RRM2: variants seen among roughly 807,000 people sequenced by gnomAD.
The protein encoded by RRM2 is ribonucleotide reductase regulatory subunit M2, also known as ribonucleoside-diphosphate reductase subunit M2.
RRM2 carries 6 observed loss-of-function variants against 45.9 expected under a neutral mutation model. The observed-to-expected ratio is 0.13, with a 90% CI of 0.07 to 0.26. RRM2 has a LOEUF of 0.26. RRM2 is among the 10% of genes least tolerant of loss of function. RRM2 has a pLI of 1.00. For synonymous variants in RRM2, 177 were observed against 173.0 expected (o/e 1.02, Z -0.18); for missense variants, 343 against 489.5 (o/e 0.70, Z 2.82).
At chr2:10,165,964 G>A (rs1663670097) in intron 3 of RRM2, among the ~76,000 whole-genome samples, 1 of 152,202 alleles carries the variant, frequency 6.6e-6, no homozygotes, top group East Asian at 1.9e-4. Flanking sequence ...GCTCTGGGCA[G>A]CAGCCGCATC....
chr2:10,132,457 G>A (rs1047277081), downstream of RRM2, among the ~76,000 whole-genome samples: 5 of 152,110 alleles, frequency 3.3e-5, no homozygotes, highest in Non-Finnish European at 7.4e-5. Flanking sequence ...TAGTGTCTGA[G>A]GTTGTGCTGC....
At chr2:10,123,228 GT>G in intron 2 of RRM2, 158 bp from the exon 3 acceptor site, 3 of 1,275,032 alleles carry the variant, frequency 2.4e-6, no homozygotes, top group Non-Finnish European at 2.1e-6. Context: ...CGGTTCGGGC[GT>G]GCGCTCCTCT....
At position 10,131,171 on chromosome 2, in the gene RRM2, A is replaced by T. The variant is rs543162257; in HGVS notation, c.*1785A>T. 2.4e-4 allele frequency: 37 copies of T among 152,280 alleles called. No individual in the cohort carries two copies. Among genetic ancestry groups the T allele is most frequent in the African/African-American group, 8.7e-4 (36 of 41,548 alleles). The allele number at this position is 152,280 out of a possible 1,614,324, so 9.4% of individuals were successfully genotyped here. On this transcript the variant is annotated 3_prime_UTR_variant, in exon 10 of 10. Coordinates refer to ENST00000304567, the MANE Select transcript of RRM2 (RefSeq NM_001034.4). ...AGTTATTGTTACCTAAAGTTAATCC[A>T]GATTATATGGTCCTTATATGTGTAC...
chr2:10,146,958 A>AT (rs1270797588), intron 3 of RRM2, among the ~76,000 whole-genome samples: 11 of 151,074 alleles, frequency 7.3e-5, no homozygotes, highest in Non-Finnish European at 1.0e-4. Flanking sequence ...TTCTTTATTT[A>AT]TTTTTATTTA....
rs181447519 is a variant in RRM2, at chr2:10,128,904, G to A, written c.855G>A (p.Ser285=). Residue 285 remains serine (S), a synonymous_variant, in exon 8 of 10, where the codon TCG becomes TCA. Transcript: ENST00000304567. ...LMFKHLVHKP[S]EERVREIIIN... ...TCAAACACCTGGTACACAAACCATC[G>A]GAGGAGAGAGTAAGAGAAATAATTA... The A allele has an allele frequency of 1.6e-5, 26 of 1,614,034 alleles. No individual in the cohort carries two copies. In the Admixed American group the frequency reaches 1.7e-4, roughly 10 times the overall value.
At chr2:10,177,663 T>TTTCCTTGC (rs1195415420) in intron 3 of RRM2, among the ~76,000 whole-genome samples, 2 of 141,150 alleles carry the variant, frequency 1.4e-5, no homozygotes, top group African/African-American at 5.5e-5. Context: ...CTTCTTTCCT[T>TTTCCTTGC]TTCCTTCCTT....
In RRM2 at chr2:10,161,370, T is replaced by C. The variant is rs140133168; in HGVS notation, n.482+18995T>C. Among the ~76,000 whole-genome samples the C allele has an allele frequency of 3.3e-4, 51 of 152,288 alleles. No individual in the cohort carries two copies. The East Asian group carries it at 8.3e-3, about 25-fold the overall frequency. ...CACTGCGCCTGGCCTGGCGGTTCTT[T>C]ATTAGCACAGGTCCAAGACTTTGAC... On this transcript the variant is annotated intron_variant and non_coding_transcript_variant, in intron 3 of 3. Transcript: ENST00000381786.
At chr2:10,164,895 C>T (rs986098184) in intron 3 of RRM2, among the ~76,000 whole-genome samples, 5 of 152,326 alleles carry the variant, frequency 3.3e-5, no homozygotes, top group Non-Finnish European at 4.4e-5. Context: ...CTGCCATCAC[C>T]GACTGCGAGG....
chr2:10,136,508 G>C (rs369551287), upstream of RRM2, among the ~76,000 whole-genome samples: 1 of 152,338 alleles, frequency 6.6e-6, no homozygotes, highest in Non-Finnish European at 1.5e-5. Flanking sequence ...GGTGGCTAGT[G>C]CCTGCAATGT....
chr2:10,187,295 G>A (rs760291366), intron 3 of RRM2, among the ~76,000 whole-genome samples: 3 of 152,212 alleles, frequency 2.0e-5, no homozygotes, highest in Non-Finnish European at 4.4e-5. Flanking sequence ...CATGGAAACC[G>A]GTCACGCAGG....
intron 3 of RRM2, among the ~76,000 whole-genome samples, chr2:10,200,455 A>G (rs193171880): frequency 0.014 from 1,638 of 116,538 alleles, 67 homozygotes; most frequent in African/African-American, 0.051. Context: ...TGAGGCCCAC[A>G]GGGACCGCGC....
chr2:10,162,269 C>T (rs1030382466), intron 3 of RRM2, among the ~76,000 whole-genome samples: 3 of 152,178 alleles, frequency 2.0e-5, no homozygotes, highest in East Asian at 1.9e-4. Context: ...TGGAGCCGCC[C>T]GTCGTTCATG....
In RRM2 at chr2:10,129,591, CTG is replaced by C; in HGVS notation, c.*208_*209del. 1 of 584,048 alleles carries C rather than the reference CTG, an allele frequency of 1.7e-6. No homozygotes were observed. The highest frequency in any genetic ancestry group is 3.0e-6 in the Non-Finnish European group (1 of 338,010). The allele number at this position is 584,048 out of a possible 1,614,324, so 36.2% of individuals were successfully genotyped here. A position where few individuals can be genotyped will look rare whatever the true frequency, so the allele number is the denominator to read the frequency against. On this transcript the variant is annotated 3_prime_UTR_variant, in exon 10 of 10. Coordinates refer to ENST00000304567, the MANE Select transcript of RRM2 (RefSeq NM_001034.4). The surrounding 1 kb of genome is among the most constrained non-coding windows in gnomAD (Gnocchi z 4.8). ...ACCTTTTGCCAGAAGGCCTGGCTGGCTGTGACTTACCATAGCAGTGACAATGG... is the reference window on the plus strand; with the variant it reads ...ACCTTTTGCCAGAAGGCCTGGCTGGCTGACTTACCATAGCAGTGACAATGG...
chr2:10,141,561 G>A, exon 1 of RRM2: 1 of 421,368 alleles, frequency 2.4e-6, no homozygotes, highest in East Asian at 4.6e-5. Flanking sequence ...CTGTGGTTGT[G>A]CTGGAATGGA....
At chr2:10,164,987 G>A (rs1663649697) in intron 3 of RRM2, among the ~76,000 whole-genome samples, 2 of 152,198 alleles carry the variant, frequency 1.3e-5, no homozygotes, top group South Asian at 4.1e-4. Context: ...AGGGGACCCC[G>A]CTTTACTCTT....
chr2:10,184,594 C>T (rs1408140830), intron 3 of RRM2, among the ~76,000 whole-genome samples: 1 of 152,246 alleles, frequency 6.6e-6, no homozygotes, highest in Non-Finnish European at 1.5e-5. Flanking sequence ...AGGCAGCACC[C>T]GCCTGGCATG....
chr2:10,203,857 C>A (rs1421065614), intron 3 of RRM2, among the ~76,000 whole-genome samples: 1 of 152,062 alleles, frequency 6.6e-6, no homozygotes, highest in Non-Finnish European at 1.5e-5. Flanking sequence ...TTAAGTCAAA[C>A]TCTCAGGCTC....
chr2:10,158,322 A>T (rs1287420738), intron 3 of RRM2, among the ~76,000 whole-genome samples: 1 of 152,180 alleles, frequency 6.6e-6, no homozygotes, highest in Non-Finnish European at 1.5e-5. Flanking sequence ...CTTCCTGCGC[A>T]TCATTATTCT....
At chr2:10,124,595 G>A in intron 4 of RRM2, 122 bp from the exon 5 acceptor site, 1 of 1,062,610 alleles carries the variant, frequency 9.4e-7, no homozygotes, top group East Asian at 2.5e-5. Context: ...TGACAAATTG[G>A]ATGAAATATA....
Sources: allele counts gnomAD v4.1 joint callset (sites outside exome capture counted in the v4.1 genomes callset), GRCh38; gene constraint gnomAD v4.1.1; non-coding constraint Gnocchi (gnomAD v3.1); transcripts MANE v1.5; gene names NCBI Gene and HGNC (gene_info 2026-07-23, HGNC 2026-07-21).